The following NRAP variants were observed in gnomAD, a reference collection of about 807,000 sequenced individuals.
The protein encoded by NRAP is nebulin-related-anchoring protein.
Under a neutral mutation model 225.9 loss-of-function variants are expected in NRAP, and 189 were observed. The ratio of observed to expected loss-of-function variants is 0.84; its 90% CI spans 0.74 to 0.94. The LOEUF (loss-of-function observed/expected upper bound fraction) is 0.94, where lower values mean the gene tolerates loss of function less well. NRAP is among the 40% of genes least tolerant of loss of function. The probability of loss-of-function intolerance (pLI) is 0.00; values close to 1 mark genes in which losing one functional copy is unlikely to be tolerated. For synonymous variants in NRAP, 769 were observed against 790.7 expected, an observed-to-expected ratio of 0.97 and a Z score of 0.46; for missense variants, 2,176 against 2,168.7, an observed-to-expected ratio of 1.00 and a Z score of -0.07.
rs998309809 is a variant in NRAP, at chr10:113,607,244, A to C, written c.3703-962T>G. On this transcript the variant is annotated intron_variant, in intron 32 of 41. Transcript: ENST00000359988. ...ACAAAAACAAAACAAAACAAAAAAC[A>C]AAAAAAAATTAGCCGGGCATGGTGG... Among the ~76,000 whole-genome samples, 6 of 111,270 alleles carry C rather than the reference A, an allele frequency of 5.4e-5. 1 individual carries two copies. The Admixed American group carries it at 5.7e-4, about 10-fold the overall frequency. The allele number at this position is 111,270 out of a possible 152,430, so 73.0% of individuals were successfully genotyped here. A position where few individuals can be genotyped will look rare whatever the true frequency, so the allele number is the denominator to read the frequency against.
At chr10:113,602,312 G>C (rs992771944) in intron 35 of NRAP, among the ~76,000 whole-genome samples, 4 of 152,146 alleles carry the variant, frequency 2.6e-5, no homozygotes, top group African/African-American at 9.7e-5. Context: ...CTCCCAGGTG[G>C]CCTCTCTACC....
intron 30 of NRAP, among the ~76,000 whole-genome samples, chr10:113,611,876 C>T (rs1461994098): frequency 6.6e-6 from 1 of 152,194 alleles, no homozygotes; most frequent in Non-Finnish European, 1.5e-5. Context: ...AAGTTCAAAT[C>T]CCAGCCCTCT....
At position 113,652,972 on chromosome 10, in the gene NRAP, T is replaced by A. The variant is rs1850075155; in HGVS notation, c.533A>T (p.Tyr178Phe). The stretch of plus-strand genomic sequence containing the variant: ...CTGGTTGGCTTTCTTGGCCCTTTGA[T>A]AAGCAGGTGTGATCATGGCTGGAAA... ...GSFPAMITPAYQRAKKANQLA... is the reference protein window; with the variant it reads ...GSFPAMITPAFQRAKKANQLA... The change falls in exon 6 of 42, where the codon TAT becomes TTT. Residue 178 changes from tyrosine to phenylalanine, a missense_variant. This residue lies in a region of NRAP where 1,708 missense variants were observed against 1,695.5 expected (regional missense o/e 1.01). Transcript: ENST00000359988. 6.2e-7 allele frequency: 1 copy of A among 1,613,198 alleles called. No homozygotes were observed. Among genetic ancestry groups the A allele is most frequent in the African/African-American group, 1.3e-5 (1 of 74,852 alleles).
At chr10:113,605,355 A>G (rs1325155875) in intron 34 of NRAP, among the ~76,000 whole-genome samples, 1 of 152,240 alleles carries the variant, frequency 6.6e-6, no homozygotes, top group Non-Finnish European at 1.5e-5. Context: ...TGGCTGAAAC[A>G]CAGCCATCAA....
Position 113,610,462 on chromosome 10 carries a change from A to G in NRAP, c.3600T>C (p.Ser1200=), listed in dbSNP as rs1354490253. The G allele has an allele frequency of 6.9e-7, 1 of 1,458,794 alleles. No homozygotes were observed. Among genetic ancestry groups the G allele is most frequent in the Non-Finnish European group, 9.6e-7 (1 of 1,037,144 alleles). The allele number at this position is 1,458,794 out of a possible 1,614,324, so 90.4% of individuals were successfully genotyped here. A position where few individuals can be genotyped will look rare whatever the true frequency, so the allele number is the denominator to read the frequency against. Reference sequence around the variant, plus strand: ...CAACACCAGCATCTGTAGTTACCTCACTGATGAGTTCCGATGCTTTCTTCC... The same window carrying G: ...CAACACCAGCATCTGTAGTTACCTCGCTGATGAGTTCCGATGCTTTCTTCC... ...EGRKKASELI[S]ESKYRQHPHS... is the part of the protein sequence containing the mutation. The change falls in exon 31 of 42, where the codon AGT becomes AGC. Residue 1200 remains serine (S), a synonymous_variant. Coordinates refer to ENST00000359988, the MANE Select transcript of NRAP (RefSeq NM_198060.4).
rs367655577 is a variant in NRAP at position 113,628,876 on chromosome 10, G to T, written c.2145+41C>A. On this transcript the variant is annotated intron_variant, in intron 20 of 41. Coordinates refer to ENST00000359988, the MANE Select transcript of NRAP (RefSeq NM_198060.4). Reference sequence around the variant, plus strand: ...AAAGATCACCCTGCATGTGTCAGGGGCTGAGGACTACTGGAGGCCAGAGGC... The same window carrying T: ...AAAGATCACCCTGCATGTGTCAGGGTCTGAGGACTACTGGAGGCCAGAGGC... 14 of 1,085,850 alleles carry T rather than the reference G, an allele frequency of 1.3e-5. No individual in the cohort carries two copies. The African/African-American group carries it at 1.7e-4, about 14-fold the overall frequency. The allele number at this position is 1,085,850 out of a possible 1,614,324, so 67.3% of individuals were successfully genotyped here.
intron 12 of NRAP, among the ~76,000 whole-genome samples, chr10:113,642,456 T>C (rs1410653119): frequency 1.3e-5 from 2 of 152,156 alleles, no homozygotes. Flanking sequence ...AGGATACATC[T>C]TCAGACCTGC....
chr10:113,627,838 C>T (rs1410610607), intron 20 of NRAP, among the ~76,000 whole-genome samples: 1 of 152,152 alleles, frequency 6.6e-6, no homozygotes, highest in African/African-American at 2.4e-5. Flanking sequence ...CTAATCATAC[C>T]ATCTAATCAC....
At chr10:113,626,198 A>G (rs566608858) in intron 20 of NRAP, 53 bp from the exon 21 acceptor site, 25 of 1,229,772 alleles carry the variant, frequency 2.0e-5, no homozygotes, top group Non-Finnish European at 2.9e-5. Context: ...TGCCCCTACC[A>G]CCCTACTCAT....
rs112359529 is a variant in NRAP, at chr10:113,654,152, C to A, written c.361-27G>T. 5 of 1,321,764 alleles carry A rather than the reference C, an allele frequency of 3.8e-6. No individual in the cohort carries two copies. The East Asian group carries it at 6.9e-5, about 18-fold the overall frequency. 81.9% of individuals were successfully genotyped at this position (1,321,764 alleles called of 1,614,324 possible). A position where few individuals can be genotyped will look rare whatever the true frequency, so the allele number is the denominator to read the frequency against. ...TACAAAGGAAGCACATGAAGGGATA[C>A]AAACACATGCCCCAGACTCCCAGCA... On this transcript the variant is annotated intron_variant, in intron 4 of 41. Transcript: ENST00000359988.
intron 32 of NRAP, 46 bp downstream of exon 32, chr10:113,608,368 G>A (rs112033767): frequency 3.4e-5 from 39 of 1,149,456 alleles, no homozygotes; most frequent in African/African-American, 1.8e-4. Flanking sequence ...TTTAACAATC[G>A]AGCAGTTTTT....
chr10:113,634,030 T>G, intron 15 of NRAP, 82 bp downstream of exon 15: 1 of 852,192 alleles, frequency 1.2e-6, no homozygotes, highest in Non-Finnish European at 2.0e-6. Context: ...GAAAGTCAAA[T>G]CCTTGGAGGT....
At position 113,631,868 on chromosome 10, in the gene NRAP, G is replaced by A. The variant is rs1848601508; in HGVS notation, c.1729C>T (p.Leu577Phe). The A allele has an allele frequency of 6.2e-7, 1 of 1,606,948 alleles. No homozygotes were observed. Among genetic ancestry groups the A allele is most frequent in the African/African-American group, 1.3e-5 (1 of 74,786 alleles). Residue 577 changes from leucine (L) to phenylalanine (F), a missense_variant, in exon 17 of 42, where the codon CTT (leucine) becomes TTT (phenylalanine). By Grantham distance (22) the Leu-to-Phe change is conservative. Transcript: ENST00000359988. The stretch of plus-strand genomic sequence containing the variant: ...GAGAGGAAACGTACATTGCTAGCAA[G>A]CTCCCCAGAGGCTTTGGCGGCCAGC... ...SLLAAKASGE[L>F]ASNIKYKEEY... is the part of the protein sequence containing the mutation.
intron 11 of NRAP, among the ~76,000 whole-genome samples, chr10:113,644,936 A>G (rs1054159262): frequency 2.0e-5 from 3 of 152,202 alleles, no homozygotes; most frequent in Non-Finnish European, 4.4e-5. Flanking sequence ...ATGAGGGAAA[A>G]TGCCGTGAAG....
intron 4 of NRAP, among the ~76,000 whole-genome samples, chr10:113,655,940 G>A (rs990145064): frequency 6.6e-6 from 1 of 152,050 alleles, no homozygotes; most frequent in East Asian, 1.9e-4. Context: ...AAAATTCTAA[G>A]CCCCCTAACT....
At chr10:113,639,612 C>T (rs906966676) in intron 14 of NRAP, among the ~76,000 whole-genome samples, 3 of 152,158 alleles carry the variant, frequency 2.0e-5, no homozygotes, top group Non-Finnish European at 4.4e-5. Context: ...TTATCTTTTT[C>T]TTTGCACTTT....
At position 113,608,442 on chromosome 10, in the gene NRAP, G is replaced by T; in HGVS notation, c.3674C>A (p.Ala1225Glu). 6.2e-7 allele frequency: 1 copy of T among 1,612,302 alleles called. No individual in the cohort carries two copies. Among genetic ancestry groups the T allele is most frequent in the East Asian group, 2.2e-5 (1 of 44,860 alleles). The change falls in exon 32 of 42, where the codon GCG becomes GAG. Residue 1225 changes from alanine to glutamate, a missense_variant. This residue lies in a region of NRAP where 1,708 missense variants were observed against 1,695.5 expected (regional missense o/e 1.01). Coordinates refer to ENST00000359988, the MANE Select transcript of NRAP (RefSeq NM_198060.4). The stretch of plus-strand genomic sequence containing the variant: ...ATTCGTTATCTGGTTGCTGAATTTC[G>T]CATGAAGGAGGTTGGGAGTGTCTGT... ...AVTDTPNLLH[A>E]KFSNQITNER...
At position 113,631,592 on chromosome 10, in the gene NRAP, ATTC is replaced by A. The variant is rs1214621843; in HGVS notation, c.1756_1758del (p.Glu586del). On this transcript the variant is annotated inframe_deletion, in exon 18 of 42. Coordinates refer to ENST00000359988, the MANE Select transcript of NRAP (RefSeq NM_198060.4). ...ATGGCTTTGCCTTTTGTCTTTTCAT[ATTC>A]TTCTTTATATTTAATCTTGAGAGAA... The A allele has an allele frequency of 1.9e-6, 3 of 1,607,482 alleles. No individual in the cohort carries two copies. Among genetic ancestry groups the A allele is most frequent in the African/African-American group, 2.7e-5 (2 of 74,734 alleles).
chr10:113,598,324 C>A (rs184891166), intron 35 of NRAP, among the ~76,000 whole-genome samples: 1 of 149,050 alleles, frequency 6.7e-6, no homozygotes, highest in African/African-American at 2.5e-5. Context: ...GGATTTAAAG[C>A]GAGAGTAACA....
Sources: gnomAD v4.1 joint callset for allele counts (sites outside exome capture counted in the v4.1 genomes callset) on GRCh38, gnomAD v4.1.1 for gene constraint, gnomAD v4.1.1 regional missense constraint, MANE v1.5 for transcripts, NCBI Gene and HGNC (gene_info 2026-07-23, HGNC 2026-07-21) for gene names.